PTDSS2: variants seen among roughly 807,000 people sequenced by gnomAD.
The protein encoded by PTDSS2 is phosphatidylserine synthase 2, also known as PSS-2.
In PTDSS2, 41 loss-of-function variants were observed where a neutral mutation model predicts 64.7. That is an observed-to-expected ratio of 0.63 (90% confidence interval 0.49 to 0.82). The LOEUF is 0.82. Among genes scored for constraint, PTDSS2 ranks in the 40% least tolerant of loss-of-function variants. The pLI, the probability that PTDSS2 is intolerant of heterozygous loss-of-function variation, is 0.00. For missense variants in PTDSS2, 485 were observed against 650.0 expected, an observed-to-expected ratio of 0.75 and a Z score of 2.76; for synonymous variants, 297 against 277.8, an observed-to-expected ratio of 1.07 and a Z score of -0.69.
chr11:454,289 G>C (rs1339216118), intron 1 of PTDSS2, among the ~76,000 whole-genome samples: 2 of 152,134 alleles, frequency 1.3e-5, no homozygotes, highest in African/African-American at 4.8e-5. Context: ...CTTCCCCAGG[G>C]CCAGGAGGGT....
At position 490,574 on chromosome 11, in the gene PTDSS2, C is replaced by T; in HGVS notation, c.1456C>T (p.Pro486Ser). 1 of 1,595,016 alleles carries T rather than the reference C, an allele frequency of 6.3e-7. No individual in the cohort carries two copies. Among genetic ancestry groups the T allele is most frequent in the Non-Finnish European group, 8.5e-7 (1 of 1,171,622 alleles). The change falls in exon 12 of 12, where the codon CCA becomes TCA. Residue 486 changes from proline to serine, a missense_variant. Transcript: ENST00000308020. ...GGCCGAGGGCGAGGGAGCACCAACT[C>T]CAAACTGACCTGGGCCGTGGCTGCC... Reference protein sequence around the residue: ...GVAEGEGAPTPN With the variant: ...GVAEGEGAPTSN
At chr11:468,553 A>G (rs940978135) in intron 2 of PTDSS2, among the ~76,000 whole-genome samples, 7 of 152,260 alleles carry the variant, frequency 4.6e-5, no homozygotes, top group Admixed American at 2.0e-4. Flanking sequence ...AAGGGTGTTC[A>G]GAGGAAGGTG....
chr11:488,029 C>T (rs1197800767), intron 6 of PTDSS2, among the ~76,000 whole-genome samples, 170 bp from the exon 7 acceptor site: 1 of 145,464 alleles, frequency 6.9e-6, no homozygotes, highest in Non-Finnish European at 1.5e-5. Context: ...TGGCCTGCGT[C>T]CCATACTCTG....
Position 490,411 on chromosome 11 carries a change from G to A in PTDSS2, c.1302-9G>A, listed in dbSNP as rs767168249. ...GGGGCAGGTGGTGACGCTGCATCCC[G>A]CTCCCCAGGGACATCACATTGAGGT... On this transcript the variant is annotated splice_polypyrimidine_tract_variant and intron_variant, in intron 11 of 11. Coordinates refer to ENST00000308020, the MANE Select transcript of PTDSS2 (RefSeq NM_030783.3). 25 of 1,613,042 alleles carry A rather than the reference G, an allele frequency of 1.5e-5. No individual in the cohort carries two copies. Among genetic ancestry groups the A allele is most frequent in the Non-Finnish European group, 1.9e-5 (23 of 1,179,938 alleles).
rs779231222 is a variant in PTDSS2, at chr11:479,594, G to A, written c.435+442G>A. 3.7e-5 allele frequency: 8 copies of A among 216,164 alleles called. No homozygotes were observed. Among genetic ancestry groups the A allele is most frequent in the Admixed American group, 1.1e-4 (2 of 18,608 alleles). 13.4% of individuals were successfully genotyped at this position (216,164 alleles called of 1,614,324 possible). On this transcript the variant is annotated intron_variant, in intron 4 of 11. Coordinates refer to ENST00000308020, the MANE Select transcript of PTDSS2 (RefSeq NM_030783.3). This position sits in a 1 kb window ranked among gnomAD's most constrained non-coding sequence, Gnocchi z 4.2. ...GTCAGGTCCTGCGATGCAGGCCAGCGTCTGCATGGCCGGGGCAAATCTGGG... is the reference window on the plus strand; with the variant it reads ...GTCAGGTCCTGCGATGCAGGCCAGCATCTGCATGGCCGGGGCAAATCTGGG...
chr11:460,584 G>A lies in PTDSS2; in HGVS notation c.284+296G>A. The A allele has an allele frequency of 2.8e-6, 1 of 357,906 alleles. No individual in the cohort carries two copies. The highest frequency in any genetic ancestry group is 5.3e-6 in the Non-Finnish European group (1 of 188,816). 22.2% of individuals were successfully genotyped at this position (357,906 alleles called of 1,614,324 possible). A position where few individuals can be genotyped will look rare whatever the true frequency, so the allele number is the denominator to read the frequency against. On this transcript the variant is annotated intron_variant, in intron 2 of 11. Transcript: ENST00000308020. The surrounding 1 kb of genome is among the most constrained non-coding windows in gnomAD (Gnocchi z 5.8). Reference sequence around the variant, plus strand: ...CTCTGAGTTTTGCATGTTGAGGTTGGAACGAGCTGCAGCAGCTACAGGGCT... The same window carrying A: ...CTCTGAGTTTTGCATGTTGAGGTTGAAACGAGCTGCAGCAGCTACAGGGCT...
intron 2 of PTDSS2, among the ~76,000 whole-genome samples, chr11:464,135 G>A (rs149664601): frequency 1.3e-5 from 2 of 151,734 alleles, no homozygotes; most frequent in African/African-American, 2.4e-5. Context: ...GCCGTGCACC[G>A]CCACGCCCCA....
intron 6 of PTDSS2, among the ~76,000 whole-genome samples, chr11:487,815 C>T (rs1350978771): frequency 2.0e-5 from 3 of 152,250 alleles, no homozygotes; most frequent in Non-Finnish European, 2.9e-5. Context: ...CCCTGCAGCC[C>T]ACCCTGGCAG....
upstream of PTDSS2, among the ~76,000 whole-genome samples, chr11:450,020 C>T (rs1457443113): frequency 1.3e-5 from 2 of 152,140 alleles, no homozygotes; most frequent in Non-Finnish European, 1.5e-5. Flanking sequence ...GGCTGGGCTC[C>T]GGGATCCGTC....
intron 3 of PTDSS2, among the ~76,000 whole-genome samples, chr11:478,504 T>C (rs968913485): frequency 2.0e-5 from 3 of 151,700 alleles, no homozygotes; most frequent in African/African-American, 7.3e-5. Flanking sequence ...CCCAGCACTT[T>C]GGGAGGCTGA....
chr11:490,778 A>ATG lies in PTDSS2; in HGVS notation c.*196_*197insTG, dbSNP rs1235401002. 8.2e-6 allele frequency: 5 copies of ATG among 610,814 alleles called. No individual in the cohort carries two copies. Among genetic ancestry groups the ATG allele is most frequent in the Non-Finnish European group, 1.4e-5 (5 of 350,948 alleles). The allele number at this position is 610,814 out of a possible 1,614,324, so 37.8% of individuals were successfully genotyped here. A position where few individuals can be genotyped will look rare whatever the true frequency, so the allele number is the denominator to read the frequency against. On this transcript the variant is annotated 3_prime_UTR_variant, in exon 12 of 12. Coordinates refer to ENST00000308020, the MANE Select transcript of PTDSS2 (RefSeq NM_030783.3). Reference sequence around the variant, plus strand: ...CTCATCTCCATGTGTACACGTGTGTACGTGTGTATGCGTGTGTGTACGCGT... The same window carrying ATG: ...CTCATCTCCATGTGTACACGTGTGTATGCGTGTGTATGCGTGTGTGTACGCGT...
Position 490,708 on chromosome 11 carries a change from C to T in PTDSS2, c.*126C>T, listed in dbSNP as rs1368055249. On this transcript the variant is annotated 3_prime_UTR_variant, in exon 12 of 12. Coordinates refer to ENST00000308020, the MANE Select transcript of PTDSS2 (RefSeq NM_030783.3). Reference sequence around the variant, plus strand: ...AGGTTTTTTGCTTTTCTCCTGTGCACCTGGCGAGGCTGAAGGCGAGGGGTG... The same window carrying T: ...AGGTTTTTTGCTTTTCTCCTGTGCATCTGGCGAGGCTGAAGGCGAGGGGTG... 3 of 1,004,448 alleles carry T rather than the reference C, an allele frequency of 3.0e-6. No homozygotes were observed. The highest frequency in any genetic ancestry group is 4.3e-6 in the Non-Finnish European group (3 of 702,702). The allele number at this position is 1,004,448 out of a possible 1,614,324, so 62.2% of individuals were successfully genotyped here.
At chr11:475,084 GTT>G (rs1847687642) in intron 3 of PTDSS2, among the ~76,000 whole-genome samples, 1 of 122,780 alleles carries the variant, frequency 8.1e-6, no homozygotes, top group African/African-American at 3.2e-5. Flanking sequence ...ACATTCACGT[GTT>G]TGTGTGTGGG....
At chr11:490,269 C>A in intron 11 of PTDSS2, 151 bp from the exon 12 acceptor site, 1 of 1,224,376 alleles carries the variant, frequency 8.2e-7, no homozygotes, top group South Asian at 1.4e-5. Context: ...CTCAGGGCTC[C>A]AGTCTGCCAC....
rs1308596633 is a variant in PTDSS2 at position 488,567 on chromosome 11, C to T, written c.774C>T (p.Ile258=). The change falls in exon 8 of 12, where the codon ATC becomes ATT. Residue 258 remains isoleucine, a synonymous_variant. Coordinates refer to ENST00000308020, the MANE Select transcript of PTDSS2 (RefSeq NM_030783.3). The stretch of plus-strand genomic sequence containing the variant: ...TGCTCGTCTGCAACGGGCTGGGCAT[C>T]TACTGCGGCATGAAGACCCTTGAGT... ...MDVLVCNGLG[I]YCGMKTLEWL... is the part of the protein sequence containing the mutation. 6.2e-7 allele frequency: 1 copy of T among 1,613,588 alleles called. No individual in the cohort carries two copies.
chr11:482,772 G>GT (rs1443834751), intron 4 of PTDSS2, among the ~76,000 whole-genome samples: 1 of 151,610 alleles, frequency 6.6e-6, no homozygotes, highest in Non-Finnish European at 1.5e-5. Context: ...AGAAAGTTCT[G>GT]TGAGTTTTTC....
intron 1 of PTDSS2, among the ~76,000 whole-genome samples, chr11:456,530 C>G (rs1017220795): frequency 6.6e-6 from 1 of 151,966 alleles, no homozygotes; most frequent in Non-Finnish European, 1.5e-5. Context: ...CTCTCCTCAC[C>G]GAAATCTGAT....
chr11:451,986 C>T (rs1846351097), intron 1 of PTDSS2, among the ~76,000 whole-genome samples: 1 of 152,164 alleles, frequency 6.6e-6, no homozygotes, highest in African/African-American at 2.4e-5. Flanking sequence ...GGACATCAGG[C>T]CTCTCCATCA....
In PTDSS2 at chr11:479,499, G is replaced by A; in HGVS notation, c.435+347G>A. ...AGAGGGCAGGGCCAGTGGTGCAGCT[G>A]CCAGGGTGGCTTTGCCCACAGCTGT... On this transcript the variant is annotated intron_variant, in intron 4 of 11. Transcript: ENST00000308020. The surrounding 1 kb of genome is among the most constrained non-coding windows in gnomAD (Gnocchi z 4.2). 2.8e-6 allele frequency: 1 copy of A among 356,028 alleles called. No individual in the cohort carries two copies. The highest frequency in any genetic ancestry group is 5.2e-6 in the Non-Finnish European group (1 of 191,846). The allele number at this position is 356,028 out of a possible 1,614,324, so 22.1% of individuals were successfully genotyped here.
Sources: allele counts gnomAD v4.1 joint callset (sites outside exome capture counted in the v4.1 genomes callset), GRCh38; gene constraint gnomAD v4.1.1; non-coding constraint Gnocchi (gnomAD v3.1); transcripts MANE v1.5; gene names NCBI Gene and HGNC (gene_info 2026-07-23, HGNC 2026-07-21).